Variants in CYYR1 observed in about 807,000 individuals in gnomAD.
The protein encoded by CYYR1 is cysteine and tyrosine rich 1, also known as cysteine and tyrosine-rich protein 1.
In CYYR1, 14 loss-of-function variants were observed where a neutral mutation model predicts 15.2. That is an observed-to-expected ratio of 0.92 (90% CI 0.61 to 1.44). CYYR1 has a LOEUF of 1.44. Ranked by LOEUF, CYYR1 falls within the 40% of genes most tolerant of loss-of-function variation. The pLI, the probability that CYYR1 is intolerant of heterozygous loss-of-function variation, is 0.00. For synonymous variants in CYYR1, 80 were observed against 77.4 expected (o/e 1.03, Z -0.18); for missense variants, 228 against 209.5 (o/e 1.09, Z -0.54).
intron 2 of CYYR1, among the ~76,000 whole-genome samples, chr21:26,545,064 C>T (rs572957009): frequency 1.3e-5 from 2 of 152,126 alleles, no homozygotes; most frequent in African/African-American, 4.8e-5. Flanking sequence ...TGTTTCAGAA[C>T]ACATTAAATG....
At chr21:26,554,637 TTGA>T (rs1408940423) in intron 2 of CYYR1, among the ~76,000 whole-genome samples, 1 of 152,148 alleles carries the variant, frequency 6.6e-6, no homozygotes, top group East Asian at 1.9e-4. Flanking sequence ...TACTCTCCTG[TTGA>T]TGAAGTCCAG....
chr21:26,491,166 C>A (rs1601745731), intron 2 of CYYR1, among the ~76,000 whole-genome samples: 1 of 152,120 alleles, frequency 6.6e-6, no homozygotes, highest in Non-Finnish European at 1.5e-5. Context: ...TCATTCCAAG[C>A]CTAAAAAATC....
At chr21:26,518,695 T>C (rs1026018190) in intron 2 of CYYR1, 5 of 152,364 alleles carry the variant, frequency 3.3e-5, no homozygotes, top group Admixed American at 6.5e-5. Flanking sequence ...GCTACTTTTA[T>C]TGATGGCAGC....
At chr21:26,478,210 AG>A in intron 3 of CYYR1, 1 of 1,524,834 alleles carries the variant, frequency 6.6e-7, no homozygotes, top group Non-Finnish European at 8.8e-7. Context: ...GAAGATTAAA[AG>A]CACTCTGGAT....
Position 26,474,408 on chromosome 21 carries a change from C to CTTTT in CYYR1, c.335-5778_335-5775dup, listed in dbSNP as rs35912064. On this transcript the variant is annotated intron_variant, in intron 3 of 3. Transcript: ENST00000652641. ...ATGAAAAAAGAAGAATACACCGTGC[C>CTTTT]TTTTTTTTTTTTTTTTTTTTAACAG... 2.0e-3 allele frequency among the ~76,000 whole-genome samples: 245 copies of CTTTT among 125,538 alleles called. 1 individual carries two copies. Among genetic ancestry groups the CTTTT allele is most frequent in the African/African-American group, 7.0e-3 (228 of 32,774 alleles). The allele number at this position is 125,538 out of a possible 152,430, so 82.4% of individuals were successfully genotyped here. A position where few individuals can be genotyped will look rare whatever the true frequency, so the allele number is the denominator to read the frequency against.
At chr21:26,528,778 G>A (rs750243275) in intron 2 of CYYR1, among the ~76,000 whole-genome samples, 1 of 152,172 alleles carries the variant, frequency 6.6e-6, no homozygotes, top group Non-Finnish European at 1.5e-5. Context: ...TTAAAGAGGA[G>A]CAACTTCTTG....
chr21:26,545,861 T>A (rs1335411077), intron 2 of CYYR1, among the ~76,000 whole-genome samples: 2 of 152,010 alleles, frequency 1.3e-5, no homozygotes, highest in Non-Finnish European at 2.9e-5. Context: ...GAGATTACAG[T>A]TTATTCTTAA....
chr21:26,484,700 T>G (rs1348267585), intron 2 of CYYR1, among the ~76,000 whole-genome samples: 1 of 152,124 alleles, frequency 6.6e-6, no homozygotes, highest in Non-Finnish European at 1.5e-5. Flanking sequence ...GGCATAGAGT[T>G]TCCAAACTAT....
chr21:26,549,020 T>C (rs934411737), intron 2 of CYYR1, among the ~76,000 whole-genome samples: 2 of 152,112 alleles, frequency 1.3e-5, no homozygotes, highest in African/African-American at 4.8e-5. Context: ...CTTAAAAGTG[T>C]TGTTTGAAAC....
intron 3 of CYYR1, 141 bp from the exon 4 acceptor site, chr21:26,468,775 A>G (rs1760709390): frequency 1.3e-5 from 8 of 612,184 alleles, no homozygotes; most frequent in South Asian, 1.1e-4. Flanking sequence ...TCAGGACCAC[A>G]TATGTATGAA....
In CYYR1 at chr21:26,485,527, C is replaced by T. The variant is rs185688215; in HGVS notation, c.177-5098G>A. Among the ~76,000 whole-genome samples, 19 of 152,132 alleles carry T rather than the reference C, an allele frequency of 1.2e-4. No individual in the cohort carries two copies. In the East Asian group the frequency reaches 2.5e-3, roughly 20 times the overall value. ...CCCCGGGTATCAGCAATCTGTTCTC[C>T]GTTTCTGTAATTTAGTCATTTCAAG... On this transcript the variant is annotated intron_variant, in intron 2 of 3. Transcript: ENST00000652641.
intron 2 of CYYR1, among the ~76,000 whole-genome samples, chr21:26,482,712 T>C (rs1460931779): frequency 1.3e-5 from 2 of 152,130 alleles, no homozygotes; most frequent in African/African-American, 4.8e-5. Context: ...AGACATTATT[T>C]CTTAGAAATA....
intron 2 of CYYR1, among the ~76,000 whole-genome samples, chr21:26,533,400 C>G (rs1466515618): frequency 6.6e-6 from 1 of 151,932 alleles, no homozygotes; most frequent in Admixed American, 6.6e-5. Flanking sequence ...GGCCTGAGAA[C>G]CAGGGGTCTG....
chr21:26,479,164 G>T (rs1200622066), intron 3 of CYYR1, among the ~76,000 whole-genome samples: 1 of 151,864 alleles, frequency 6.6e-6, no homozygotes, highest in African/African-American at 2.4e-5. Flanking sequence ...ATACAATATG[G>T]AAGAAAAGAC....
chr21:26,477,182 T>C (rs1242528099), intron 3 of CYYR1, among the ~76,000 whole-genome samples: 1 of 152,174 alleles, frequency 6.6e-6, no homozygotes, highest in Non-Finnish European at 1.5e-5. Context: ...TGGGTTGTTA[T>C]CTCAATTATC....
rs1323824516 is a variant in CYYR1, at chr21:26,520,113, G to GATAGATAT, written c.177-39685_177-39684insATATCTAT. On this transcript the variant is annotated intron_variant, in intron 2 of 3. Coordinates refer to ENST00000652641, the MANE Select transcript of CYYR1 (RefSeq NM_001320768.2). The stretch of plus-strand genomic sequence containing the variant: ...TCTTCTTCTAAAAAAAAACCCAGGA[G>GATAGATAT]ATATATATATATATATATATATATA... Among the ~76,000 whole-genome samples the GATAGATAT allele has an allele frequency of 4.8e-3, 579 of 120,684 alleles. 10 individuals carry two copies. The highest frequency in any genetic ancestry group is 0.018 in the African/African-American group (540 of 29,514). The allele number at this position is 120,684 out of a possible 152,430, so 79.2% of individuals were successfully genotyped here.
rs534928727 is a variant in CYYR1, at chr21:26,476,376, T to C, written c.334+3896A>G. Among the ~76,000 whole-genome samples the C allele has an allele frequency of 1.2e-4, 19 of 152,306 alleles. No individual in the cohort carries two copies. In the East Asian group the frequency reaches 3.7e-3, roughly 29 times the overall value. On this transcript the variant is annotated intron_variant, in intron 3 of 3. Transcript: ENST00000652641. ...ACCTGATAACTGACAAGAAATCTGG[T>C]GGACACTTTTAAGACCTGCGAATAT... is the stretch of plus-strand genomic sequence containing the variant.
intron 2 of CYYR1, chr21:26,550,588 G>C (rs928521346): frequency 6.6e-6 from 1 of 152,140 alleles, no homozygotes; most frequent in Non-Finnish European, 1.5e-5. Flanking sequence ...TGAATGATAA[G>C]AAAGCAAAAG....
intron 3 of CYYR1, chr21:26,478,058 A>G: frequency 6.5e-7 from 1 of 1,549,150 alleles, no homozygotes. Flanking sequence ...CCCATTATGT[A>G]CCAGGCCTGG....
Sources: allele counts gnomAD v4.1 joint callset (sites outside exome capture counted in the v4.1 genomes callset), GRCh38; gene constraint gnomAD v4.1.1; transcripts MANE v1.5; gene names NCBI Gene and HGNC (gene_info 2026-07-23, HGNC 2026-07-21).